Variants in PTPN21 observed in about 807,000 individuals in gnomAD.
PTPN21 encodes the protein tyrosine-protein phosphatase non-receptor type 21.
Under a neutral mutation model 131.8 loss-of-function variants are expected in PTPN21, and 77 were observed. The ratio of observed to expected loss-of-function variants is 0.58; its 90% CI spans 0.49 to 0.71. The LOEUF is 0.71. Ranked by LOEUF, PTPN21 falls within the 30% of genes least tolerant of loss-of-function variation. The pLI, the probability that PTPN21 is intolerant of heterozygous loss-of-function variation, is 0.00. For synonymous variants in PTPN21, 715 were observed against 621.3 expected (o/e 1.15, Z -2.24); for missense variants, 1,552 against 1,527.1 (o/e 1.02, Z -0.27).
intron 4 of PTPN21, among the ~76,000 whole-genome samples, chr14:88,506,642 C>T (rs903717127): frequency 2.6e-5 from 4 of 152,092 alleles, no homozygotes; most frequent in Non-Finnish European, 5.9e-5. Flanking sequence ...AGAAACCAAA[C>T]AAGTGGGAGT....
At chr14:88,535,253 G>A (rs1026884796) in intron 2 of PTPN21, among the ~76,000 whole-genome samples, 14 of 152,268 alleles carry the variant, frequency 9.2e-5, no homozygotes, top group South Asian at 4.1e-4. Context: ...TACCACGTAG[G>A]TTTAAGTACT....
chr14:88,500,927 T>C, intron 7 of PTPN21, 56 bp from the exon 8 acceptor site: 1 of 1,256,790 alleles, frequency 8.0e-7, no homozygotes, highest in Non-Finnish European at 1.2e-6. Flanking sequence ...GAGGAACTGC[T>C]GCTAGAGTTC....
At position 88,472,397 on chromosome 14, in the gene PTPN21, TTTC is replaced by T; in HGVS notation, c.2715_2717del (p.Lys906del). 6.2e-7 allele frequency: 1 copy of T among 1,614,132 alleles called. No individual in the cohort carries two copies. The highest frequency in any genetic ancestry group is 2.2e-5 in the East Asian group (1 of 44,886). Reference sequence around the variant, plus strand: ...TTGAGCACTCCCCATCAACTAGCCGTTTCTTAAGAATTCTTTCATATTCTGTGA... The same window carrying T: ...TTGAGCACTCCCCATCAACTAGCCGTTTAAGAATTCTTTCATATTCTGTGA... On this transcript the variant is annotated inframe_deletion, in exon 15 of 19. Transcript: ENST00000556564.
chr14:88,512,695 T>G (rs1411521407), intron 3 of PTPN21: 1 of 152,268 alleles, frequency 6.6e-6, no homozygotes, highest in Admixed American at 6.5e-5. Flanking sequence ...CATGTGGCTA[T>G]TCAGTACCTG....
chr14:88,468,055 G>T lies in PTPN21; in HGVS notation c.*82C>A. On this transcript the variant is annotated 3_prime_UTR_variant, in exon 19 of 19. Transcript: ENST00000556564. ...CACGCTGCGTGGATCAAGTGTCAAC[G>T]GGAAAGTATGAGTTAGGCAAGCGCT... 1 of 1,516,512 alleles carries T rather than the reference G, an allele frequency of 6.6e-7. No individual in the cohort carries two copies. Among genetic ancestry groups the T allele is most frequent in the South Asian group, 1.2e-5 (1 of 86,310 alleles). The allele number at this position is 1,516,512 out of a possible 1,614,324, so 93.9% of individuals were successfully genotyped here.
intron 13 of PTPN21, among the ~76,000 whole-genome samples, chr14:88,478,062 T>C (rs1164870065): frequency 1.1e-4 from 16 of 152,168 alleles, no homozygotes; most frequent in Admixed American, 8.5e-4. Flanking sequence ...TTGGAAAAGT[T>C]AGTTAATATC....
chr14:88,505,375 T>TA lies in PTPN21; in HGVS notation c.449-5dup. 6.3e-7 allele frequency: 1 copy of TA among 1,586,366 alleles called. No individual in the cohort carries two copies. The highest frequency in any genetic ancestry group is 8.6e-7 in the Non-Finnish European group (1 of 1,161,652). On this transcript the variant is annotated splice_region_variant and splice_polypyrimidine_tract_variant and intron_variant, in intron 4 of 18. Coordinates refer to ENST00000556564, the MANE Select transcript of PTPN21 (RefSeq NM_007039.4). Reference sequence around the variant, plus strand: ...TGATCAAAGTCACCAAAATCCGCTATATAGAATGACAAACATTCACGTTAA... The same window carrying TA: ...TGATCAAAGTCACCAAAATCCGCTATAATAGAATGACAAACATTCACGTTAA...
rs765508742 is a variant in PTPN21 at position 88,479,406 on chromosome 14, G to A, written c.2025C>T (p.Pro675=). Residue 675 remains proline, a synonymous_variant, in exon 13 of 19, where the codon CCC becomes CCT. Transcript: ENST00000556564. ...APRAVSVGSQ[P]SVFTERTQRE... ...GCTGTGTCCTCTCGGTGAAAACGCT[G>A]GGCTGGGAGCCCACCGAGACGGCTC... The A allele has an allele frequency of 2.5e-6, 4 of 1,603,560 alleles. No individual in the cohort carries two copies. The highest frequency in any genetic ancestry group is 1.1e-5 in the South Asian group (1 of 91,048).
chr14:88,476,773 A>T (rs1047687199), intron 13 of PTPN21, among the ~76,000 whole-genome samples: 4 of 152,190 alleles, frequency 2.6e-5, no homozygotes, highest in African/African-American at 9.6e-5. Flanking sequence ...CAGCTGCCAT[A>T]CCCATTCCTT....
intron 13 of PTPN21, among the ~76,000 whole-genome samples, chr14:88,474,638 C>T (rs1255645887): frequency 6.6e-6 from 1 of 152,034 alleles, no homozygotes; most frequent in East Asian, 1.9e-4. Flanking sequence ...ATCACGCTAC[C>T]TCTCAGAACG....
intron 10 of PTPN21, among the ~76,000 whole-genome samples, chr14:88,496,125 T>C (rs1428334960): frequency 6.6e-6 from 1 of 152,232 alleles, no homozygotes; most frequent in Non-Finnish European, 1.5e-5. Context: ...CTGAATAATC[T>C]TTAATGACTC....
intron 5 of PTPN21, 115 bp from the exon 6 acceptor site, chr14:88,504,610 G>T: frequency 1.3e-6 from 1 of 769,410 alleles, no homozygotes. Flanking sequence ...TATGACTATT[G>T]TTACTATATG....
chr14:88,521,585 C>A (rs1292612566), intron 2 of PTPN21, among the ~76,000 whole-genome samples: 2 of 70,012 alleles, frequency 2.9e-5, no homozygotes, highest in South Asian at 8.2e-4. Flanking sequence ...TTTTTTTTTG[C>A]ATTTTTTAGT....
Position 88,496,478 on chromosome 14 carries a change from T to C in PTPN21, c.867A>G (p.Thr289=), listed in dbSNP as rs1192248089. 1.9e-6 allele frequency: 3 copies of C among 1,613,758 alleles called. No homozygotes were observed. In the African/African-American group the frequency reaches 4.0e-5, roughly 22 times the overall value. The part of the protein sequence containing the change: ...TIQFQTEDME[T]AKYIWRLCVA... Reference sequence around the variant, plus strand: ...CACAGAGTCTCCAAATGTATTTTGCTGTTTCCATGTCTTCCTAGCAAACAA... The same window carrying C: ...CACAGAGTCTCCAAATGTATTTTGCCGTTTCCATGTCTTCCTAGCAAACAA... Residue 289 remains threonine (T), a synonymous_variant, in exon 10 of 19, where the codon ACA becomes ACG. Transcript: ENST00000556564.
At chr14:88,468,469 A>G (rs1049974039) in intron 18 of PTPN21, among the ~76,000 whole-genome samples, 10 of 152,282 alleles carry the variant, frequency 6.6e-5, no homozygotes, top group African/African-American at 1.9e-4. Flanking sequence ...CATGCAGACT[A>G]TTTCTTCAAC....
chr14:88,498,101 A>G (rs764915126), intron 8 of PTPN21, among the ~76,000 whole-genome samples: 2 of 125,784 alleles, frequency 1.6e-5, no homozygotes, highest in East Asian at 2.4e-4. Context: ...AACTCTGTCT[A>G]AAAAAAAAAA....
At position 88,479,447 on chromosome 14, in the gene PTPN21, C is replaced by A; in HGVS notation, c.1984G>T (p.Ala662Ser). The stretch of plus-strand genomic sequence containing the variant: ...GAGACGGCTCGCGGCGCCACCTCTG[C>A]CGCCGACGCGGATAGGGTGCGCTCC... ...LKERTLSASA[A>S]EVAPRAVSVG... is the part of the protein sequence containing the mutation. Residue 662 changes from alanine to serine, a missense_variant, in exon 13 of 19, where the codon GCA becomes TCA. By Grantham distance (99) the Ala-to-Ser change is moderately conservative. Coordinates refer to ENST00000556564, the MANE Select transcript of PTPN21 (RefSeq NM_007039.4). The A allele has an allele frequency of 1.9e-6, 3 of 1,601,954 alleles. No homozygotes were observed. Among genetic ancestry groups the A allele is most frequent in the South Asian group, 2.2e-5 (2 of 90,980 alleles).
chr14:88,521,228 A>G (rs1038115880), intron 2 of PTPN21, among the ~76,000 whole-genome samples: 1 of 152,072 alleles, frequency 6.6e-6, no homozygotes, highest in African/African-American at 2.4e-5. Flanking sequence ...CTCCCCTCAA[A>G]AGACTTTTAA....
rs1195523124 is a variant in PTPN21 at position 88,479,337 on chromosome 14, C to T, written c.2094G>A (p.Lys698=). The T allele has an allele frequency of 6.2e-7, 1 of 1,613,466 alleles. No homozygotes were observed. The highest frequency in any genetic ancestry group is 2.2e-5 in the East Asian group (1 of 44,814). The change falls in exon 13 of 19, where the codon AAG becomes AAA. Residue 698 remains lysine, a synonymous_variant. Transcript: ENST00000556564. The part of the protein sequence containing the change: ...EEAEGLRYGH[K]KSLSDATMLI... Reference sequence around the variant, plus strand: ...GCATGGTGGCGTCCGACAGGGACTTCTTATGGCCGTACCTCAAGCCCTCCG... The same window carrying T: ...GCATGGTGGCGTCCGACAGGGACTTTTTATGGCCGTACCTCAAGCCCTCCG...
Sources: allele counts gnomAD v4.1 joint callset (sites outside exome capture counted in the v4.1 genomes callset), GRCh38; gene constraint gnomAD v4.1.1; transcripts MANE v1.5; gene names NCBI Gene and HGNC (gene_info 2026-07-23, HGNC 2026-07-21).